The following PAG1 variants were observed in gnomAD, a reference collection of about 807,000 sequenced individuals.
The protein encoded by PAG1 is phosphoprotein associated with glycosphingolipid-enriched microdomains 1.
In PAG1, 23 loss-of-function variants were observed where a neutral mutation model predicts 31.7. The observed-to-expected ratio is 0.73, with a 90% CI of 0.52 to 1.03. PAG1 has a LOEUF of 1.03. PAG1 is among the 50% of genes least tolerant of loss of function. The pLI is 0.00. For missense variants in PAG1, 473 were observed against 540.7 expected (o/e 0.87, Z 1.24); for synonymous variants, 214 against 210.3 (o/e 1.02, Z -0.15).
rs904423551 is a variant in PAG1 at position 81,076,613 on chromosome 8, G to A, written c.-233-6443C>T. Reference sequence around the variant, plus strand: ...ACCTTCCCATTTCCAACCCCTATCTGCAAAACAGAAAGAGAAATCTCTTAC... The same window carrying A: ...ACCTTCCCATTTCCAACCCCTATCTACAAAACAGAAAGAGAAATCTCTTAC... On this transcript the variant is annotated intron_variant, in intron 1 of 8. Coordinates refer to ENST00000220597, the MANE Select transcript of PAG1 (RefSeq NM_018440.4). 3.2e-4 allele frequency among the ~76,000 whole-genome samples: 48 copies of A among 152,126 alleles called. 2 individuals are homozygous for A. The highest frequency in any genetic ancestry group is 3.1e-3 in the Admixed American group (47 of 15,264).
intron 3 of PAG1, among the ~76,000 whole-genome samples, chr8:81,025,335 GTC>G (rs1808256690): frequency 6.6e-6 from 1 of 152,130 alleles, no homozygotes; most frequent in Non-Finnish European, 1.5e-5. Flanking sequence ...CTGAACCCAT[GTC>G]TCCCAAACAT....
intron 6 of PAG1, among the ~76,000 whole-genome samples, chr8:80,986,514 G>A (rs369979925): frequency 2.0e-5 from 3 of 152,226 alleles, no homozygotes; most frequent in East Asian, 1.9e-4. Context: ...CAGAGTGACT[G>A]AGTGCGTGCC....
At chr8:81,057,854 T>C (rs866706133) in intron 2 of PAG1, among the ~76,000 whole-genome samples, 3 of 152,238 alleles carry the variant, frequency 2.0e-5, no homozygotes, top group South Asian at 4.1e-4. Flanking sequence ...TTCAAGTTAA[T>C]GACTTTTCTT....
chr8:81,087,171 C>T (rs868262737), intron 1 of PAG1, among the ~76,000 whole-genome samples: 18 of 152,142 alleles, frequency 1.2e-4, no homozygotes, highest in Middle Eastern at 3.4e-3. Context: ...GGTGAAACCC[C>T]GTGTCTACTA....
chr8:81,027,444 C>A (rs752775584), intron 3 of PAG1, among the ~76,000 whole-genome samples: 1 of 152,124 alleles, frequency 6.6e-6, no homozygotes, highest in African/African-American at 2.4e-5. Flanking sequence ...GAGTAAAGGA[C>A]CTGCTTTTGT....
At chr8:81,035,909 A>G (rs1808455026) in intron 2 of PAG1, among the ~76,000 whole-genome samples, 2 of 152,060 alleles carry the variant, frequency 1.3e-5, no homozygotes. Flanking sequence ...ATATATATAC[A>G]TGCATATATA....
At chr8:81,028,817 G>A (rs1241999161) in intron 3 of PAG1, among the ~76,000 whole-genome samples, 1 of 152,176 alleles carries the variant, frequency 6.6e-6, no homozygotes, top group African/African-American at 2.4e-5. Flanking sequence ...TGTCAGAACA[G>A]AGAATGAATA....
At chr8:81,069,901 T>C (rs573984750) in intron 2 of PAG1, among the ~76,000 whole-genome samples, 46 of 152,362 alleles carry the variant, frequency 3.0e-4, no homozygotes, top group African/African-American at 1.1e-3. Context: ...CATTGGCGTC[T>C]TGGTTTCTAT....
Position 80,976,823 on chromosome 8 carries a change from G to A in PAG1, c.1020C>T (p.Thr340=), listed in dbSNP as rs777425967. The change falls in exon 9 of 9, where the codon ACC becomes ACT. Residue 340 remains threonine (T), a synonymous_variant. Coordinates refer to ENST00000220597, the MANE Select transcript of PAG1 (RefSeq NM_018440.4). ...SGQSLTVPES[T]YTSIQGDPQR... The stretch of plus-strand genomic sequence containing the variant: ...GTGGGTCCCCTTGAATGGAGGTGTA[G>A]GTGGACTCCGGAACTGTAAGCGACT... The A allele has an allele frequency of 1.2e-6, 2 of 1,613,908 alleles. No homozygotes were observed. The highest frequency in any genetic ancestry group is 1.7e-6 in the Non-Finnish European group (2 of 1,179,784).
intron 1 of PAG1, among the ~76,000 whole-genome samples, chr8:81,093,750 C>T (rs374911191): frequency 3.9e-5 from 6 of 152,020 alleles, no homozygotes; most frequent in Admixed American, 1.3e-4. Context: ...ATCAGCCACA[C>T]GCAGTAGCAA....
chr8:81,065,144 C>T (rs540470009), intron 2 of PAG1, among the ~76,000 whole-genome samples: 1 of 152,268 alleles, frequency 6.6e-6, no homozygotes, highest in Non-Finnish European at 1.5e-5. Context: ...CTCCCTGGCC[C>T]CCTTGGTGTC....
intron 3 of PAG1, among the ~76,000 whole-genome samples, chr8:81,013,415 C>T (rs1157128960): frequency 1.3e-5 from 2 of 152,090 alleles, no homozygotes; most frequent in East Asian, 1.9e-4. Flanking sequence ...CCTCAGTGTG[C>T]GCAAGGCTAT....
At chr8:81,020,972 G>A (rs1272296965) in intron 3 of PAG1, among the ~76,000 whole-genome samples, 1 of 152,188 alleles carries the variant, frequency 6.6e-6, no homozygotes, top group East Asian at 1.9e-4. Flanking sequence ...CATCCAGAAA[G>A]GTTAAATAAG....
At chr8:81,015,529 C>A (rs746987576) in intron 3 of PAG1, among the ~76,000 whole-genome samples, 8 of 151,404 alleles carry the variant, frequency 5.3e-5, no homozygotes, top group Non-Finnish European at 1.0e-4. Context: ...TAATGTTTAA[C>A]CTTTGTAAGA....
chr8:80,994,374 T>C (rs959457233), intron 3 of PAG1, among the ~76,000 whole-genome samples: 3 of 152,188 alleles, frequency 2.0e-5, no homozygotes, highest in African/African-American at 7.2e-5. Context: ...TTATAAACAA[T>C]TGCAAGAGAA....
At chr8:81,002,761 G>A (rs971992449) in intron 3 of PAG1, among the ~76,000 whole-genome samples, 1 of 152,142 alleles carries the variant, frequency 6.6e-6, no homozygotes, top group African/African-American at 2.4e-5. Flanking sequence ...AATATTTCTT[G>A]ATTCATAAAA....
chr8:81,036,134 T>C (rs1808458509), intron 2 of PAG1, among the ~76,000 whole-genome samples: 1 of 152,194 alleles, frequency 6.6e-6, no homozygotes, highest in African/African-American at 2.4e-5. Context: ...CCTAATTCTG[T>C]TTCCATCAGT....
At chr8:81,047,608 AT>A (rs1489873321) in intron 2 of PAG1, among the ~76,000 whole-genome samples, 2 of 152,230 alleles carry the variant, frequency 1.3e-5, no homozygotes, top group African/African-American at 4.8e-5. Flanking sequence ...GGTAAGCAGG[AT>A]TCCATAGGGT....
intron 2 of PAG1, among the ~76,000 whole-genome samples, chr8:81,063,289 A>G (rs1260594878): frequency 6.6e-6 from 1 of 152,204 alleles, no homozygotes; most frequent in Non-Finnish European, 1.5e-5. Flanking sequence ...TTATTCCTAA[A>G]GTGGCAGGCC....
Sources: allele counts gnomAD v4.1 joint callset (sites outside exome capture counted in the v4.1 genomes callset), GRCh38; gene constraint gnomAD v4.1.1; transcripts MANE v1.5; gene names NCBI Gene and HGNC (gene_info 2026-07-23, HGNC 2026-07-21).